The following KLF12 variants were observed in gnomAD, a reference collection of about 807,000 sequenced individuals.
The protein encoded by KLF12 is KLF transcription factor 12.
Under a neutral mutation model 37.8 loss-of-function variants are expected in KLF12, and 9 were observed. The observed-to-expected ratio is 0.24, with a 90% CI of 0.14 to 0.42. The LOEUF is 0.42. Ranked by LOEUF, KLF12 falls within the 10% of genes least tolerant of loss-of-function variation. The pLI, the probability that KLF12 is intolerant of heterozygous loss-of-function variation, is 1.00. For missense variants in KLF12, 411 were observed against 516.0 expected (o/e 0.80, Z 1.97); for synonymous variants, 208 against 202.1 (o/e 1.03, Z -0.25).
At chr13:73,926,878 C>T (rs1414627787) in intron 3 of KLF12, among the ~76,000 whole-genome samples, 2 of 151,160 alleles carry the variant, frequency 1.3e-5, no homozygotes, top group East Asian at 3.9e-4. Context: ...TCACATTCAC[C>T]CCATTTTAGA....
the KLF12 span, among the ~76,000 whole-genome samples, chr13:74,280,542 G>C: frequency 5.1e-4 from 77 of 152,316 alleles, no homozygotes; most frequent in South Asian, 2.1e-3. Context: ...TTTGTCAGTA[G>C]TCAGGGAGGC....
chr13:74,060,167 T>C (rs1873489585), intron 1 of KLF12, among the ~76,000 whole-genome samples: 1 of 152,354 alleles, frequency 6.6e-6, no homozygotes, highest in Middle Eastern at 3.4e-3. Context: ...TATAGCTTTG[T>C]AGTATAATTT....
intron 6 of KLF12, among the ~76,000 whole-genome samples, chr13:73,759,768 A>G (rs1443716023): frequency 2.0e-5 from 3 of 152,108 alleles, no homozygotes; most frequent in Non-Finnish European, 4.4e-5. Flanking sequence ...GCGCTTGATG[A>G]TGCTTGCATT....
At chr13:73,997,082 T>G (rs1382283538) in intron 1 of KLF12, among the ~76,000 whole-genome samples, 1 of 152,216 alleles carries the variant, frequency 6.6e-6, no homozygotes, top group East Asian at 1.9e-4. Context: ...TGGGACGGCC[T>G]GATACAAAAC....
chr13:74,204,676 T>C, the KLF12 span, among the ~76,000 whole-genome samples: 1 of 152,116 alleles, frequency 6.6e-6, no homozygotes, highest in Non-Finnish European at 1.5e-5. Context: ...AAATTTCAGA[T>C]CTAAAAACAT....
At position 74,034,031 on chromosome 13, in the gene KLF12, C is replaced by T. The variant is rs1056169920; in HGVS notation, c.-31-38978G>A. Among the ~76,000 whole-genome samples the T allele has an allele frequency of 1.4e-4, 21 of 150,498 alleles. No individual in the cohort carries two copies. The South Asian group carries it at 1.7e-3, about 12-fold the overall frequency. The stretch of plus-strand genomic sequence containing the variant: ...CATTAAACATCAACTCATCTGTTTA[C>T]TGGTCATTTACGCATTCACTTTTTT... On this transcript the variant is annotated intron_variant, in intron 1 of 7. Coordinates refer to ENST00000377669, the MANE Select transcript of KLF12 (RefSeq NM_007249.5).
the KLF12 span, among the ~76,000 whole-genome samples, chr13:74,288,425 ACT>A: frequency 6.6e-6 from 1 of 151,984 alleles, no homozygotes; most frequent in Non-Finnish European, 1.5e-5. Context: ...GCAGAGTGGG[ACT>A]CTCTAACATC....
chr13:73,856,542 G>A (rs1044150168), intron 3 of KLF12, among the ~76,000 whole-genome samples: 9 of 150,834 alleles, frequency 6.0e-5, no homozygotes, highest in African/African-American at 1.7e-4. Context: ...CTCCATACAC[G>A]CACCCAGCCA....
rs1873919113 is a variant in KLF12, at chr13:73,693,296, G to A, written c.*2194C>T. On this transcript the variant is annotated 3_prime_UTR_variant, in exon 8 of 8. Transcript: ENST00000377669. Reference sequence around the variant, plus strand: ...TGGTCACAGGCAATGTGAAGTAGGAGTTGCATATAGTACAAAAAAACTTTC... The same window carrying A: ...TGGTCACAGGCAATGTGAAGTAGGAATTGCATATAGTACAAAAAAACTTTC... 1 of 151,914 alleles carries A rather than the reference G, an allele frequency of 6.6e-6. No individual in the cohort carries two copies. Among genetic ancestry groups the A allele is most frequent in the Admixed American group, 6.6e-5 (1 of 15,244 alleles). The allele number at this position is 151,914 out of a possible 1,614,324, so 9.4% of individuals were successfully genotyped here. A position where few individuals can be genotyped will look rare whatever the true frequency, so the allele number is the denominator to read the frequency against.
intron 6 of KLF12, among the ~76,000 whole-genome samples, chr13:73,755,974 ACAC>A (rs939276890): frequency 6.6e-6 from 1 of 152,068 alleles, no homozygotes; most frequent in South Asian, 2.1e-4. Flanking sequence ...CTGTATATAT[ACAC>A]CACATTTTCT....
intron 1 of KLF12, among the ~76,000 whole-genome samples, chr13:74,090,432 T>C (rs4545688): frequency 0.2 from 29,837 of 152,022 alleles, 3,083 homozygotes; most frequent in African/African-American, 0.27. Flanking sequence ...TATGTTACAA[T>C]TGAGGAATCT....
intron 5 of KLF12, chr13:73,801,969 T>A (rs1225701811): frequency 1.3e-5 from 2 of 152,076 alleles, no homozygotes; most frequent in Admixed American, 1.3e-4. Flanking sequence ...AAATTCACAT[T>A]AGAATGAGGC....
chr13:74,239,537 G>A, the KLF12 span, among the ~76,000 whole-genome samples: 5 of 117,156 alleles, frequency 4.3e-5, no homozygotes, highest in Non-Finnish European at 1.7e-5. Flanking sequence ...TGTTGACAGT[G>A]GGGTGTTAAA....
chr13:73,900,430 C>A (rs895690506), intron 3 of KLF12, among the ~76,000 whole-genome samples: 1 of 152,100 alleles, frequency 6.6e-6, no homozygotes, highest in Non-Finnish European at 1.5e-5. Context: ...GTCCATAAAA[C>A]ATGAGAATAC....
chr13:73,818,259 C>CCT (rs547261756), intron 4 of KLF12, among the ~76,000 whole-genome samples: 80 of 152,376 alleles, frequency 5.3e-4, no homozygotes, highest in African/African-American at 1.8e-3. Context: ...AATTCTCCTG[C>CCT]CTTGGCCTCC....
chr13:74,052,474 T>C (rs1362575613), intron 1 of KLF12, among the ~76,000 whole-genome samples: 2 of 152,062 alleles, frequency 1.3e-5, no homozygotes, highest in Non-Finnish European at 1.5e-5. Flanking sequence ...TTTCGGACAC[T>C]ACAGAAAGGA....
At chr13:73,757,049 A>G (rs189513007) in intron 6 of KLF12, among the ~76,000 whole-genome samples, 2 of 152,276 alleles carry the variant, frequency 1.3e-5, no homozygotes, top group East Asian at 3.9e-4. Context: ...TACAGCATAC[A>G]TTATTTGGGT....
At chr13:74,161,009 A>G in the KLF12 span, among the ~76,000 whole-genome samples, 1 of 151,760 alleles carries the variant, frequency 6.6e-6, no homozygotes, top group African/African-American at 2.4e-5. Flanking sequence ...TTCATGCAGG[A>G]GGTGTCCATA....
chr13:73,807,758 A>C (rs1222847642), intron 5 of KLF12, among the ~76,000 whole-genome samples: 1 of 152,148 alleles, frequency 6.6e-6, no homozygotes, highest in Non-Finnish European at 1.5e-5. Context: ...GAAAACAAGC[A>C]TATCTCCTTA....
Sources: gnomAD v4.1 joint callset for allele counts (sites outside exome capture counted in the v4.1 genomes callset) on GRCh38, gnomAD v4.1.1 for gene constraint, MANE v1.5 for transcripts, NCBI Gene and HGNC (gene_info 2026-07-23, HGNC 2026-07-21) for gene names.